The following NPHP1 variants were observed in gnomAD, a reference collection of about 807,000 sequenced individuals.
NPHP1 encodes nephrocystin 1, also known as nephrocystin-1.
A neutral mutation model predicts 90.4 loss-of-function variants in NPHP1; 70 were observed. The ratio of observed to expected loss-of-function variants is 0.77; its 90% CI spans 0.64 to 0.95. NPHP1 has a LOEUF of 0.95. Among genes scored for constraint, NPHP1 ranks in the 40% least tolerant of loss-of-function variants. NPHP1 has a pLI of 0.00. For missense variants in NPHP1, 764 were observed against 795.9 expected, an observed-to-expected ratio of 0.96 and a Z score of 0.48; for synonymous variants, 256 against 271.7, an observed-to-expected ratio of 0.94 and a Z score of 0.57.
At chr2:110,163,441 T>C (rs951007613) in intron 8 of NPHP1, 7 of 375,126 alleles carry the variant, frequency 1.9e-5, no homozygotes, top group Admixed American at 7.6e-5. Context: ...CGCTTCCATT[T>C]CACAGGTAAG....
chr2:110,187,887 A>G (rs1684409482), intron 2 of NPHP1, among the ~76,000 whole-genome samples: 1 of 149,892 alleles, frequency 6.7e-6, no homozygotes, highest in African/African-American at 2.4e-5. Flanking sequence ...AATGTGATTC[A>G]TCACATAAAC....
rs144850331 is a variant in NPHP1, at chr2:110,123,875, C to T, written c.1950G>A (p.Leu650=). 191 of 1,614,116 alleles carry T rather than the reference C, an allele frequency of 1.2e-4. No individual in the cohort carries two copies. In the African/African-American group the frequency reaches 2.0e-3, roughly 17 times the overall value. The change falls in exon 20 of 20, where the codon CTG becomes CTA. Residue 650 remains leucine (L), a synonymous_variant. Transcript: ENST00000445609. Reference sequence around the variant, plus strand: ...AAGGTTCATGAACTCCGTCTGGTGACAGCAGAGCTTGGAGGGCGCCCTGGT... The same window carrying T: ...AAGGTTCATGAACTCCGTCTGGTGATAGCAGAGCTTGGAGGGCGCCCTGGT... ...QENQGALQAL[L]SPDGVHEPFD... is the part of the protein sequence containing the mutation.
intron 11 of NPHP1, among the ~76,000 whole-genome samples, chr2:110,151,636 T>C (rs1332625389): frequency 6.6e-6 from 1 of 152,116 alleles, no homozygotes; most frequent in African/African-American, 2.4e-5. Context: ...GCTGGATTGT[T>C]TTCCACATTA....
Position 110,144,920 on chromosome 2 carries a change from TA to T in NPHP1, c.1353-352del, listed in dbSNP as rs370838885. The stretch of plus-strand genomic sequence containing the variant: ...TTTTTAATGTATTTTTCAAATGTGT[TA>T]AATCATTATTTGAAATGAGGCCACT... On this transcript the variant is annotated intron_variant, in intron 14 of 19. Coordinates refer to ENST00000445609, the MANE Select transcript of NPHP1 (RefSeq NM_001128178.3). Among the ~76,000 whole-genome samples the T allele has an allele frequency of 1.9e-3, 294 of 152,290 alleles. 3 individuals are homozygous for T. Among genetic ancestry groups the T allele is most frequent in the African/African-American group, 6.8e-3 (282 of 41,576 alleles).
chr2:110,157,509 C>A (rs1028644615), intron 11 of NPHP1, among the ~76,000 whole-genome samples: 1 of 152,104 alleles, frequency 6.6e-6, no homozygotes, highest in East Asian at 1.9e-4. Context: ...GTATACTCAG[C>A]ATGTGCAAAA....
chr2:110,201,429 A>G lies in NPHP1; in HGVS notation c.135T>C (p.Ile45=). The G allele has an allele frequency of 6.2e-7, 1 of 1,604,294 alleles. No homozygotes were observed. ...AATTTAGCATACTTTACCTTTGATA[A>G]ATATGTTGTCTTTTATTGGGTTCTA... ...EALEPNKRQH[I]YQRCIQLKQA... Residue 45 remains isoleucine, a synonymous_variant, in exon 2 of 20, where the codon ATT becomes ATC. Coordinates refer to ENST00000445609, the MANE Select transcript of NPHP1 (RefSeq NM_001128178.3).
intron 11 of NPHP1, among the ~76,000 whole-genome samples, chr2:110,152,862 G>A (rs773917155): frequency 2.6e-5 from 4 of 151,714 alleles, no homozygotes; most frequent in Non-Finnish European, 4.4e-5. Context: ...AGAGGGAAAC[G>A]GCACTGGAAG....
At chr2:110,179,532 C>T in intron 3 of NPHP1, 92 bp downstream of exon 3, 1 of 687,452 alleles carries the variant, frequency 1.5e-6, no homozygotes, top group South Asian at 1.5e-5. Flanking sequence ...AACGTAAACC[C>T]AGGAACTTAC....
intron 11 of NPHP1, among the ~76,000 whole-genome samples, chr2:110,156,622 G>C (rs1681909432): frequency 6.6e-6 from 1 of 152,094 alleles, no homozygotes; most frequent in African/African-American, 2.4e-5. Context: ...AGTGCCTTCA[G>C]GTAGTTGCTT....
At chr2:110,133,022 A>G (rs1679903307) in intron 16 of NPHP1, among the ~76,000 whole-genome samples, 1 of 152,152 alleles carries the variant, frequency 6.6e-6, no homozygotes, top group South Asian at 2.1e-4. Context: ...TAAGCAGCAA[A>G]TGAGTAATAA....
In NPHP1 at chr2:110,148,373, G is replaced by A. The variant is rs150098708; in HGVS notation, c.1159-347C>T. Reference sequence around the variant, plus strand: ...CTCCCTAGAAGCTGAGCAGATGCCTGTGCCATGCTTCCTGTACAGTCTGCA... The same window carrying A: ...CTCCCTAGAAGCTGAGCAGATGCCTATGCCATGCTTCCTGTACAGTCTGCA... On this transcript the variant is annotated intron_variant, in intron 12 of 19. Transcript: ENST00000445609. 3.4e-3 allele frequency among the ~76,000 whole-genome samples: 522 copies of A among 152,252 alleles called. 6 individuals are homozygous for A. Among genetic ancestry groups the A allele is most frequent in the African/African-American group, 0.012 (484 of 41,542 alleles).
chr2:110,176,167 T>C (rs754041659), intron 4 of NPHP1, among the ~76,000 whole-genome samples: 2 of 152,108 alleles, frequency 1.3e-5, no homozygotes, highest in Non-Finnish European at 2.9e-5. Context: ...AATTCTCACA[T>C]CTCCGAGCTA....
chr2:110,187,107 A>C (rs1574179349), intron 2 of NPHP1, among the ~76,000 whole-genome samples: 1 of 152,114 alleles, frequency 6.6e-6, no homozygotes, highest in Admixed American at 6.5e-5. Flanking sequence ...ATCTCAACTA[A>C]AAGAACTAGA....
chr2:110,184,078 C>A, intron 2 of NPHP1: 1 of 527,640 alleles, frequency 1.9e-6, no homozygotes, highest in South Asian at 1.4e-5. Flanking sequence ...GATACAATCA[C>A]CAACCAGCCT....
chr2:110,191,152 T>TATC (rs1466125300), intron 2 of NPHP1, among the ~76,000 whole-genome samples: 7 of 152,060 alleles, frequency 4.6e-5, no homozygotes, highest in African/African-American at 7.2e-5. Context: ...CACTAGGGAC[T>TATC]ATCAGACAGT....
In NPHP1 at chr2:110,144,481, TGA is replaced by T. The variant is rs1559057359; in HGVS notation, c.1429+10_1429+11del. 6.4e-7 allele frequency: 1 copy of T among 1,552,818 alleles called. No homozygotes were observed. Among genetic ancestry groups the T allele is most frequent in the Non-Finnish European group, 8.9e-7 (1 of 1,124,150 alleles). On this transcript the variant is annotated intron_variant, in intron 15 of 19. Transcript: ENST00000445609. The stretch of plus-strand genomic sequence containing the variant: ...TCTTTAAGGAAAGGAAGACAACACA[TGA>T]GAGCCATACCTCTTCTGGATATTGA...
intron 19 of NPHP1, 42 bp from the exon 20 acceptor site, chr2:110,124,105 A>C (rs1679184527): frequency 2.5e-6 from 4 of 1,608,922 alleles, no homozygotes; most frequent in Non-Finnish European, 3.4e-6. Context: ...GTTATTTTTA[A>C]AGTGTTAAAT....
chr2:110,136,761 T>C (rs1680232176), intron 16 of NPHP1, among the ~76,000 whole-genome samples: 1 of 152,150 alleles, frequency 6.6e-6, no homozygotes, highest in Non-Finnish European at 1.5e-5. Context: ...AGGTAATTTA[T>C]AGATTCAATG....
At chr2:110,203,566 A>T (rs538285577) in intron 1 of NPHP1, among the ~76,000 whole-genome samples, 8 of 152,142 alleles carry the variant, frequency 5.3e-5, no homozygotes, top group Non-Finnish European at 1.2e-4. Flanking sequence ...AGTCACCTAA[A>T]TATTTACCTT....
Sources: allele counts gnomAD v4.1 joint callset (sites outside exome capture counted in the v4.1 genomes callset), GRCh38; gene constraint gnomAD v4.1.1; transcripts MANE v1.5; gene names NCBI Gene and HGNC (gene_info 2026-07-23, HGNC 2026-07-21).